Variants in GALNT2 observed in about 807,000 individuals in gnomAD.
GALNT2 encodes polypeptide N-acetylgalactosaminyltransferase 2.
A neutral mutation model predicts 81.4 loss-of-function variants in GALNT2; 31 were observed. That is an observed-to-expected ratio of 0.38 (90% CI 0.29 to 0.51). The LOEUF (loss-of-function observed/expected upper bound fraction) is 0.51. Among genes scored for constraint, GALNT2 ranks in the 20% least tolerant of loss-of-function variants. The probability of loss-of-function intolerance (pLI) is 0.87; values close to 1 mark genes in which losing one functional copy is unlikely to be tolerated. For synonymous variants in GALNT2, 303 were observed against 287.4 expected (o/e 1.05, Z -0.55); for missense variants, 629 against 765.7 (o/e 0.82, Z 2.11).
chr1:230,164,311 C>T (rs1662530894), intron 1 of GALNT2, among the ~76,000 whole-genome samples: 1 of 152,106 alleles, frequency 6.6e-6, no homozygotes, highest in Admixed American at 6.5e-5. Flanking sequence ...GTGTGATTGC[C>T]CGTACATGCA....
At chr1:230,074,934 A>G (rs1314075413) in intron 1 of GALNT2, among the ~76,000 whole-genome samples, 1 of 151,378 alleles carries the variant, frequency 6.6e-6, no homozygotes. Context: ...TTTTTCTGCA[A>G]CTCCTGGCCG....
intron 1 of GALNT2, among the ~76,000 whole-genome samples, chr1:230,085,336 C>A (rs1028138476): frequency 3.3e-4 from 50 of 152,184 alleles, no homozygotes; most frequent in African/African-American, 1.1e-3. Context: ...AGCCCCTATC[C>A]TGTCCCGTGG....
intron 1 of GALNT2, among the ~76,000 whole-genome samples, chr1:230,164,224 G>A (rs544196897): frequency 4.6e-5 from 7 of 152,200 alleles, no homozygotes; most frequent in Non-Finnish European, 1.0e-4. Context: ...CCATGTTCTG[G>A]GTTGGGGGCA....
At chr1:230,097,680 C>T (rs138440346) in intron 1 of GALNT2, among the ~76,000 whole-genome samples, 101 of 152,236 alleles carry the variant, frequency 6.6e-4, no homozygotes, top group African/African-American at 2.3e-3. Context: ...GGGTTGTTTC[C>T]GCTTTCTGGA....
intron 1 of GALNT2, 121 bp downstream of exon 1, chr1:230,067,527 C>A (rs538348239): frequency 4.4e-4 from 144 of 324,094 alleles, no homozygotes; most frequent in African/African-American, 2.8e-3. Context: ...TCGCGTCGCC[C>A]GCCCTCGTCC....
At chr1:230,064,802 A>G (rs774260279), upstream of GALNT2, among the ~76,000 whole-genome samples, 1 of 152,156 alleles carries the variant, frequency 6.6e-6, no homozygotes, top group Non-Finnish European at 1.5e-5. Flanking sequence ...ATGAGCCACT[A>G]TGCCCAGCCT....
intron 2 of GALNT2, among the ~76,000 whole-genome samples, chr1:230,202,917 A>G (rs1663946200): frequency 6.6e-6 from 1 of 152,186 alleles, no homozygotes; most frequent in Non-Finnish European, 1.5e-5. Context: ...CAGGCCTTTA[A>G]CTTTCATGCT....
intron 1 of GALNT2, among the ~76,000 whole-genome samples, chr1:230,145,882 C>T (rs1240113035): frequency 6.6e-6 from 1 of 152,206 alleles, no homozygotes; most frequent in African/African-American, 2.4e-5. Flanking sequence ...CCTGCCCAGC[C>T]CCTCTGGGAA....
Position 230,174,600 on chromosome 1 carries a change from C to T in GALNT2, c.127-3618C>T, listed in dbSNP as rs1662898361. ...CCTGGGGCCGTCTTTGATTCTTCTT[C>T]CCCTTCGCACTCCTCCTGCTGCATT... is the stretch of plus-strand genomic sequence containing the variant. On this transcript the variant is annotated intron_variant, in intron 1 of 15. Transcript: ENST00000366672. Among the ~76,000 whole-genome samples the T allele has an allele frequency of 2.0e-5, 3 of 152,220 alleles. No individual in the cohort carries two copies. The South Asian group carries it at 6.2e-4, about 32-fold the overall frequency.
intron 1 of GALNT2, among the ~76,000 whole-genome samples, chr1:230,134,234 G>A (rs1288873434): frequency 6.6e-6 from 1 of 151,078 alleles, no homozygotes; most frequent in South Asian, 2.1e-4. Flanking sequence ...TCAGCCTCCC[G>A]AATAGCTGGG....
Position 230,083,753 on chromosome 1 carries a change from G to T in GALNT2, c.126+16347G>T, listed in dbSNP as rs574367568. Reference sequence around the variant, plus strand: ...GTTTCTTCAGAGGAATGACAGTGGGGGTTACTCTGTTTTTACTTGGAGTAT... The same window carrying T: ...GTTTCTTCAGAGGAATGACAGTGGGTGTTACTCTGTTTTTACTTGGAGTAT... On this transcript the variant is annotated intron_variant, in intron 1 of 15. Transcript: ENST00000366672. Among the ~76,000 whole-genome samples the T allele has an allele frequency of 4.6e-5, 7 of 152,164 alleles. No individual in the cohort carries two copies. The South Asian group carries it at 1.0e-3, about 23-fold the overall frequency.
chr1:230,105,771 G>T (rs1247920783), intron 1 of GALNT2, among the ~76,000 whole-genome samples: 1 of 152,158 alleles, frequency 6.6e-6, no homozygotes, highest in East Asian at 1.9e-4. Context: ...TCATAAGCAT[G>T]ATTATATCCA....
chr1:230,089,063 G>C (rs1197002382), intron 1 of GALNT2, among the ~76,000 whole-genome samples: 1 of 151,896 alleles, frequency 6.6e-6, no homozygotes, highest in Non-Finnish European at 1.5e-5. Context: ...CATTCAGGTA[G>C]TGGCATGTAT....
intron 3 of GALNT2, among the ~76,000 whole-genome samples, chr1:230,216,339 G>A (rs55885665): frequency 0.038 from 5,833 of 152,270 alleles, 166 homozygotes; most frequent in Middle Eastern, 0.061. Context: ...TATGGTTTCG[G>A]AGATTACTTG....
At chr1:230,116,418 CG>C (rs531505377) in intron 1 of GALNT2, among the ~76,000 whole-genome samples, 220 of 152,194 alleles carry the variant, frequency 1.4e-3, no homozygotes, top group African/African-American at 5.1e-3. Flanking sequence ...TTAGTAGAGA[CG>C]GGGTTTCACC....
rs2102783429 is a variant in GALNT2, at chr1:230,275,868, A to AT, written c.1560+1304_1560+1305insT. On this transcript the variant is annotated intron_variant, in intron 15 of 15. Transcript: ENST00000366672. This position sits in a 1 kb window ranked among gnomAD's most constrained non-coding sequence, Gnocchi z 5.5. The stretch of plus-strand genomic sequence containing the variant: ...ACATGCCACATAGATATACATATAT[A>AT]AATGCCACAGATATATACATATATA... Among the ~76,000 whole-genome samples the AT allele has an allele frequency of 6.6e-6, 1 of 151,736 alleles. No homozygotes were observed. The highest frequency in any genetic ancestry group is 6.6e-5 in the Admixed American group (1 of 15,210).
rs1389610156 is a variant in GALNT2 at position 230,067,402 on chromosome 1, G to A, written c.122G>A (p.Arg41Lys). 4 of 1,237,880 alleles carry A rather than the reference G, an allele frequency of 3.2e-6. No individual in the cohort carries two copies. The highest frequency in any genetic ancestry group is 4.1e-6 in the Non-Finnish European group (4 of 981,244). 76.7% of individuals were successfully genotyped at this position (1,237,880 alleles called of 1,614,324 possible). ...GGGGGCGCGGGCGGCGGCGCCGGCA[G>A]GAAGGTGAGTGGAGCGCCCTGCCGC... ...LAGGAGGGAGRKEDWNEIDPI... is the reference protein window; with the variant it reads ...LAGGAGGGAGKKEDWNEIDPI... Residue 41 changes from arginine (R) to lysine (K), a missense_variant, in exon 1 of 16, where the codon AGG (arginine) becomes AAG (lysine). Physicochemically the swap from Arg to Lys is conservative, Grantham distance 26. Transcript: ENST00000366672.
At chr1:230,105,398 A>AT (rs1272111024) in intron 1 of GALNT2, among the ~76,000 whole-genome samples, 2 of 151,206 alleles carry the variant, frequency 1.3e-5, no homozygotes, top group African/African-American at 2.4e-5. Flanking sequence ...TACAATGCAC[A>AT]TTTCCCCCGC....
chr1:230,183,111 C>T (rs1663212259), intron 2 of GALNT2, among the ~76,000 whole-genome samples: 1 of 152,148 alleles, frequency 6.6e-6, no homozygotes, highest in Non-Finnish European at 1.5e-5. Flanking sequence ...ATAGATCTAA[C>T]TTTTCTTGGT....
Sources: allele counts gnomAD v4.1 joint callset (sites outside exome capture counted in the v4.1 genomes callset), GRCh38; gene constraint gnomAD v4.1.1; non-coding constraint Gnocchi (gnomAD v3.1); transcripts MANE v1.5; gene names NCBI Gene and HGNC (gene_info 2026-07-23, HGNC 2026-07-21).